Variants in CEP44 observed in about 807,000 individuals in gnomAD.
CEP44 encodes centrosomal protein of 44 kDa.
CEP44 carries 45 observed loss-of-function variants against 46.7 expected under a neutral mutation model. That is an observed-to-expected ratio of 0.96 (90% confidence interval 0.76 to 1.24). CEP44 has a LOEUF of 1.24. CEP44 is among the 50% of genes most tolerant of loss of function. The probability of loss-of-function intolerance (pLI) is 0.00; values close to 1 mark genes in which losing one functional copy is unlikely to be tolerated. For synonymous variants in CEP44, 142 were observed against 146.0 expected (o/e 0.97, Z 0.20); for missense variants, 475 against 459.7 (o/e 1.03, Z -0.30).
chr4:174,314,208 A>G lies in CEP44; in HGVS notation c.962-1958A>G, dbSNP rs955719877. 2.6e-5 allele frequency among the ~76,000 whole-genome samples: 4 copies of G among 152,248 alleles called. No homozygotes were observed. In the East Asian group the frequency reaches 7.7e-4, roughly 29 times the overall value. On this transcript the variant is annotated intron_variant, in intron 9 of 11. Coordinates refer to ENST00000503780, the MANE Select transcript of CEP44 (RefSeq NM_001040157.3). This position sits in a 1 kb window ranked among gnomAD's most constrained non-coding sequence, Gnocchi z 4.1. Reference sequence around the variant, plus strand: ...AGCAGTCACTACTGAAGTACATAACAACTGGTGTCAGGGTCCTTGTGTCAG... The same window carrying G: ...AGCAGTCACTACTGAAGTACATAACGACTGGTGTCAGGGTCCTTGTGTCAG...
intron 6 of CEP44, among the ~76,000 whole-genome samples, chr4:174,306,250 A>G (rs564841421): frequency 6.6e-6 from 1 of 152,250 alleles, no homozygotes; most frequent in South Asian, 2.1e-4. Flanking sequence ...CGTTGTCATT[A>G]TTAGGTTTGA....
rs1457635847 is a variant in CEP44 at position 174,286,510 on chromosome 4, T to TA, written c.-148+2568dup. ...CATTACTCAAGGTATTGTTATGTAT[T>TA]ACTTTTCTTCTATGAAGTGTCCATG... is the stretch of plus-strand genomic sequence containing the variant. On this transcript the variant is annotated intron_variant, in intron 1 of 11. Coordinates refer to ENST00000503780, the MANE Select transcript of CEP44 (RefSeq NM_001040157.3). This position sits in a 1 kb window ranked among gnomAD's most constrained non-coding sequence, Gnocchi z 5.2. 1.3e-5 allele frequency among the ~76,000 whole-genome samples: 2 copies of TA among 152,234 alleles called. No homozygotes were observed. Among genetic ancestry groups the TA allele is most frequent in the South Asian group, 2.1e-4 (1 of 4,826 alleles).
Position 174,304,302 on chromosome 4 carries a change from G to A in CEP44, c.440G>A (p.Gly147Asp). ...TCTGGTAAGTCAGAACCTCCTTTGG[G>A]CAATGAGAAAATATCTGCAGAGGCT... is the stretch of plus-strand genomic sequence containing the variant. The part of the protein sequence containing the change: ...ISSGKSEPPL[G>D]NEKISAEAVG... Residue 147 changes from glycine (G) to aspartate (D), a missense_variant, in exon 6 of 12, where the codon GGC becomes GAC. Transcript: ENST00000503780. The A allele has an allele frequency of 1.2e-6, 2 of 1,611,156 alleles. No individual in the cohort carries two copies. Among genetic ancestry groups the A allele is most frequent in the Non-Finnish European group, 1.7e-6 (2 of 1,179,240 alleles).
rs1741977185 is a variant in CEP44, at chr4:174,318,425, T to C, written c.*1042T>C. On this transcript the variant is annotated 3_prime_UTR_variant, in exon 12 of 12. Transcript: ENST00000503780. ...GTGTTGTGTTTTGTTTTTTTAATGA[T>C]GAAAAGTTACACATTTTTTGGAGAG... The C allele has an allele frequency of 8.1e-6, 8 of 984,594 alleles. No individual in the cohort carries two copies. The highest frequency in any genetic ancestry group is 9.6e-6 in the Non-Finnish European group (8 of 829,344). 61.0% of individuals were successfully genotyped at this position (984,594 alleles called of 1,614,324 possible). A position where few individuals can be genotyped will look rare whatever the true frequency, so the allele number is the denominator to read the frequency against.
In CEP44 at chr4:174,286,324, G is replaced by A. The variant is rs950319347; in HGVS notation, c.-148+2381G>A. On this transcript the variant is annotated intron_variant, in intron 1 of 11. Coordinates refer to ENST00000503780, the MANE Select transcript of CEP44 (RefSeq NM_001040157.3). The surrounding 1 kb of genome is among the most constrained non-coding windows in gnomAD (Gnocchi z 5.2). ...AAGATAGAGAAACGGTGTGTAAAGG[G>A]ATGATTTGTATCCTGGACAGCTGGG... Among the ~76,000 whole-genome samples, 2 of 152,174 alleles carry A rather than the reference G, an allele frequency of 1.3e-5. No individual in the cohort carries two copies. Among genetic ancestry groups the A allele is most frequent in the African/African-American group, 4.8e-5 (2 of 41,464 alleles).
Position 174,309,075 on chromosome 4 carries a change from GTGA to G in CEP44, c.678+219_678+221del, listed in dbSNP as rs1740778803. Among the ~76,000 whole-genome samples the G allele has an allele frequency of 6.6e-6, 1 of 152,076 alleles. No individual in the cohort carries two copies. Among genetic ancestry groups the G allele is most frequent in the African/African-American group, 2.4e-5 (1 of 41,434 alleles). On this transcript the variant is annotated intron_variant, in intron 7 of 11. Transcript: ENST00000503780. This position sits in a 1 kb window ranked among gnomAD's most constrained non-coding sequence, Gnocchi z 5.3. ...GTAGGGTGCTGGGCTAAGTGTTGGGGTGATGCAAAGTAGAATAAGATATGGTAC... is the reference window on the plus strand; with the variant it reads ...GTAGGGTGCTGGGCTAAGTGTTGGGGTGCAAAGTAGAATAAGATATGGTAC...
At chr4:174,315,698 G>A (rs4695921) in intron 9 of CEP44, among the ~76,000 whole-genome samples, 61,986 of 151,596 alleles carry the variant, frequency 0.41, 13,470 homozygotes, top group Non-Finnish European at 0.48. Flanking sequence ...AAAATTAGCC[G>A]GGCGTGGTAG....
rs777476175 is a variant in CEP44 at position 174,304,389 on chromosome 4, A to G, written c.507+20A>G. ...GGAAAGGTATGCAACCACAAAGAAA[A>G]TATCATATTGTTTAAGAGTTATCTA... On this transcript the variant is annotated intron_variant, in intron 6 of 11. Transcript: ENST00000503780. 5 of 1,601,812 alleles carry G rather than the reference A, an allele frequency of 3.1e-6. No homozygotes were observed. The highest frequency in any genetic ancestry group is 4.2e-6 in the Non-Finnish European group (5 of 1,176,828).
In CEP44 at chr4:174,319,766, T is replaced by TA. The variant is rs1272595665; in HGVS notation, c.*2384dup. 1 of 914,446 alleles carries TA rather than the reference T, an allele frequency of 1.1e-6. No homozygotes were observed. The highest frequency in any genetic ancestry group is 1.3e-6 in the Non-Finnish European group (1 of 767,144). 56.6% of individuals were successfully genotyped at this position (914,446 alleles called of 1,614,324 possible). ...ACTCAATATATCATACATTTACACT[T>TA]ACAAAGAGTCTTTATCTAGACAACA... is the stretch of plus-strand genomic sequence containing the variant. On this transcript the variant is annotated 3_prime_UTR_variant, in exon 12 of 12. Coordinates refer to ENST00000503780, the MANE Select transcript of CEP44 (RefSeq NM_001040157.3).
chr4:174,320,694 G>GTGTA (rs1560922677), downstream of CEP44, among the ~76,000 whole-genome samples: 2 of 139,910 alleles, frequency 1.4e-5, no homozygotes, highest in African/African-American at 5.5e-5. Flanking sequence ...CTGTGTGTGT[G>GTGTA]TGTGTGTGTA....
At chr4:174,306,062 TGA>T (rs1740361250) in intron 6 of CEP44, among the ~76,000 whole-genome samples, 1 of 152,122 alleles carries the variant, frequency 6.6e-6, no homozygotes, top group Non-Finnish European at 1.5e-5. Context: ...AAGCAAAAGT[TGA>T]GTCAATATTA....
Position 174,301,787 on chromosome 4 carries a change from A to C in CEP44, c.90-252A>C, listed in dbSNP as rs1739736776. 1.3e-5 allele frequency among the ~76,000 whole-genome samples: 2 copies of C among 152,146 alleles called. No individual in the cohort carries two copies. Among genetic ancestry groups the C allele is most frequent in the Non-Finnish European group, 2.9e-5 (2 of 67,998 alleles). On this transcript the variant is annotated intron_variant, in intron 3 of 11. Transcript: ENST00000503780. This position sits in a 1 kb window ranked among gnomAD's most constrained non-coding sequence, Gnocchi z 4.3. ...GACTAAGCTTTGGAAAATCAATGGT[A>C]AATAGTTGGTACTAGAGACCTATAG...
intron 1 of CEP44, chr4:174,284,164 G>A (rs1247098824): frequency 2.5e-6 from 1 of 397,918 alleles, no homozygotes; most frequent in Admixed American, 4.4e-5. Flanking sequence ...AGACGGCAAG[G>A]CTGCGCCTGG....
At position 174,297,434 on chromosome 4, in the gene CEP44, A is replaced by G. The variant is rs536052208; in HGVS notation, c.-147-532A>G. Among the ~76,000 whole-genome samples, 1 of 152,312 alleles carries G rather than the reference A, an allele frequency of 6.6e-6. No homozygotes were observed. Among genetic ancestry groups the G allele is most frequent in the South Asian group, 2.1e-4 (1 of 4,826 alleles). The stretch of plus-strand genomic sequence containing the variant: ...TTAAACATGAGTCTCTAAGAAAAAA[A>G]GGTGCCTGGTTAGGGCTTATCAATA... On this transcript the variant is annotated intron_variant, in intron 1 of 11. Coordinates refer to ENST00000503780, the MANE Select transcript of CEP44 (RefSeq NM_001040157.3). The surrounding 1 kb of genome is among the most constrained non-coding windows in gnomAD (Gnocchi z 4.3).
downstream of CEP44, among the ~76,000 whole-genome samples, chr4:174,321,178 T>C (rs1229744161): frequency 1.3e-5 from 2 of 152,174 alleles, no homozygotes; most frequent in Non-Finnish European, 2.9e-5. Context: ...CCCAAAGACA[T>C]TTGTAGGTAC....
rs1478265270 is a variant in CEP44, at chr4:174,286,277, CCTT to C, written c.-148+2338_-148+2340del. Reference sequence around the variant, plus strand: ...AATTTAGGATTTTGTAAATCGGTGACCTTCTTACCTTTCCTTATTTAAAGATAG... The same window carrying C: ...AATTTAGGATTTTGTAAATCGGTGACCTTACCTTTCCTTATTTAAAGATAG... On this transcript the variant is annotated intron_variant, in intron 1 of 11. Transcript: ENST00000503780. The surrounding 1 kb of genome is among the most constrained non-coding windows in gnomAD (Gnocchi z 5.2). 6.6e-6 allele frequency among the ~76,000 whole-genome samples: 1 copy of C among 152,094 alleles called. No homozygotes were observed. The highest frequency in any genetic ancestry group is 6.6e-5 in the Admixed American group (1 of 15,264).
intron 1 of CEP44, among the ~76,000 whole-genome samples, chr4:174,295,068 C>T (rs1454467157): frequency 1.3e-4 from 18 of 143,182 alleles, no homozygotes; most frequent in African/African-American, 2.9e-4. Context: ...GGCGGCTGGC[C>T]GGGCGGGGGG....
rs150341263 is a variant in CEP44 at position 174,326,222 on chromosome 4, ATGTGTG to A, written c.1087-5250_1087-5245del. Among the ~76,000 whole-genome samples the A allele has an allele frequency of 8.8e-5, 13 of 147,840 alleles. No homozygotes were observed. The highest frequency in any genetic ancestry group is 3.2e-4 in the African/African-American group (13 of 40,328). ...GGCTTATGAAGTATCCTGTGTGTGT[ATGTGTG>A]TGTGTGTGTCTGTGTGTGTGTCTGT... is the stretch of plus-strand genomic sequence containing the variant. On this transcript the variant is annotated intron_variant, in intron 8 of 8. Coordinates refer to the CEP44 transcript ENST00000426172. This position sits in a 1 kb window ranked among gnomAD's most constrained non-coding sequence, Gnocchi z 4.8.
At chr4:174,305,720 C>T (rs1740310746) in intron 6 of CEP44, among the ~76,000 whole-genome samples, 1 of 152,110 alleles carries the variant, frequency 6.6e-6, no homozygotes, top group Admixed American at 6.5e-5. Flanking sequence ...CTAGAAGGAA[C>T]ATATATGAAC....
Sources: gnomAD v4.1 joint callset for allele counts (sites outside exome capture counted in the v4.1 genomes callset) on GRCh38, gnomAD v4.1.1 for gene constraint, Gnocchi (gnomAD v3.1) non-coding constraint, MANE v1.5 for transcripts, NCBI Gene and HGNC (gene_info 2026-07-23, HGNC 2026-07-21) for gene names.